The following TAFA1 variants were observed in gnomAD, a reference collection of about 807,000 sequenced individuals.
TAFA1 encodes the protein TAFA chemokine like family member 1.
In TAFA1, 4 loss-of-function variants were observed where a neutral mutation model predicts 18.5. The ratio of observed to expected loss-of-function variants is 0.22; its 90% CI spans 0.11 to 0.49. The LOEUF is 0.49. TAFA1 is among the 20% of genes least tolerant of loss of function. The pLI, the probability that TAFA1 is intolerant of heterozygous loss-of-function variation, is 0.98. For missense variants in TAFA1, 147 were observed against 169.0 expected (o/e 0.87, Z 0.72); for synonymous variants, 56 against 55.2 (o/e 1.01, Z -0.06).
At chr3:68,370,470 G>GTATATATATATA (rs2069675173) in intron 2 of TAFA1, among the ~76,000 whole-genome samples, 1 of 31,172 alleles carries the variant, frequency 3.2e-5, no homozygotes, top group Non-Finnish European at 6.2e-5. Context: ...GTGTGTGTGT[G>GTATATATATATA]TGTATATATA....
chr3:68,394,009 G>C (rs2070322139), intron 2 of TAFA1, among the ~76,000 whole-genome samples: 1 of 151,814 alleles, frequency 6.6e-6, no homozygotes, highest in South Asian at 2.1e-4. Context: ...GGAAGTTCTA[G>C]CCAGGGCAAT....
chr3:68,405,413 TGAGGTGG>T (rs1048186347), intron 2 of TAFA1, among the ~76,000 whole-genome samples: 7 of 151,902 alleles, frequency 4.6e-5, no homozygotes, highest in Admixed American at 4.6e-4. Flanking sequence ...TTTGGGAGGC[TGAGGTGG>T]GAGGATCACA....
chr3:68,035,475 T>C (rs984319523), intron 2 of TAFA1, among the ~76,000 whole-genome samples: 3 of 152,186 alleles, frequency 2.0e-5, no homozygotes, highest in Non-Finnish European at 2.9e-5. Flanking sequence ...CTGTTTAAGA[T>C]CTCACCTTCT....
chr3:68,500,165 A>C (rs763237195), intron 3 of TAFA1, among the ~76,000 whole-genome samples: 1 of 152,048 alleles, frequency 6.6e-6, no homozygotes, highest in Non-Finnish European at 1.5e-5. Flanking sequence ...CTGTCTCTTT[A>C]GGTGAGTCAT....
rs1283368012 is a variant in TAFA1 at position 68,497,759 on chromosome 3, C to T, written c.260-40997C>T. ...ATATATAATAAAGTCTTTGCAGTAG[C>T]GGAATGACACAGGCAGAATGGTTTT... On this transcript the variant is annotated intron_variant, in intron 3 of 4. Coordinates refer to ENST00000478136, the MANE Select transcript of TAFA1 (RefSeq NM_213609.4). Among the ~76,000 whole-genome samples, 6 of 152,116 alleles carry T rather than the reference C, an allele frequency of 3.9e-5. No homozygotes were observed. In the East Asian group the frequency reaches 5.8e-4, roughly 15 times the overall value.
intron 3 of TAFA1, among the ~76,000 whole-genome samples, chr3:68,507,270 T>C (rs2072774463): frequency 6.6e-6 from 1 of 151,870 alleles, no homozygotes; most frequent in Non-Finnish European, 1.5e-5. Context: ...AATTATCTGC[T>C]CAAAAGCAAA....
At chr3:67,995,535 C>G in the TAFA1 span, among the ~76,000 whole-genome samples, 2 of 152,166 alleles carry the variant, frequency 1.3e-5, no homozygotes, top group African/African-American at 4.8e-5. Flanking sequence ...TTTCTCTACT[C>G]TAAACTTGTA....
At chr3:68,530,033 A>G (rs576723548) in intron 3 of TAFA1, among the ~76,000 whole-genome samples, 1 of 152,332 alleles carries the variant, frequency 6.6e-6, no homozygotes, top group Non-Finnish European at 1.5e-5. Context: ...TTATGACAAA[A>G]TGCCAGTAAC....
chr3:68,020,151 A>G (rs1227494271), intron 2 of TAFA1, among the ~76,000 whole-genome samples: 2 of 152,168 alleles, frequency 1.3e-5, no homozygotes, highest in East Asian at 1.9e-4. Context: ...CTTTTATGCA[A>G]TTCAGTTGTC....
chr3:68,473,862 G>C (rs1282889923), intron 3 of TAFA1, among the ~76,000 whole-genome samples: 2 of 152,074 alleles, frequency 1.3e-5, no homozygotes, highest in Non-Finnish European at 1.5e-5. Context: ...TAATCTCCAA[G>C]AGGGGTGTAA....
At chr3:68,374,720 T>C (rs1025501524) in intron 2 of TAFA1, among the ~76,000 whole-genome samples, 2 of 152,218 alleles carry the variant, frequency 1.3e-5, no homozygotes, top group African/African-American at 2.4e-5. Flanking sequence ...TGATTTGGTA[T>C]TGATGAAAGT....
intron 2 of TAFA1, among the ~76,000 whole-genome samples, chr3:68,273,925 A>G (rs542782791): frequency 2.0e-5 from 3 of 152,254 alleles, no homozygotes; most frequent in Admixed American, 6.5e-5. Context: ...ATTTTATTCT[A>G]ATTTCTAAAA....
chr3:68,046,967 G>T (rs572752461), intron 2 of TAFA1, among the ~76,000 whole-genome samples: 1 of 152,318 alleles, frequency 6.6e-6, no homozygotes, highest in Non-Finnish European at 1.5e-5. Flanking sequence ...TGCATCAGAA[G>T]TTGTTAGAAA....
intron 2 of TAFA1, among the ~76,000 whole-genome samples, chr3:68,242,616 G>T (rs2067014045): frequency 1.3e-5 from 2 of 152,102 alleles, no homozygotes; most frequent in Admixed American, 1.3e-4. Flanking sequence ...TATTTTGAGA[G>T]TTGATTTGCC....
intron 2 of TAFA1, among the ~76,000 whole-genome samples, chr3:68,331,242 T>C (rs1385362187): frequency 6.6e-6 from 1 of 152,184 alleles, no homozygotes; most frequent in Non-Finnish European, 1.5e-5. Context: ...TGAGCAAATC[T>C]ATTGAAGCAG....
intron 2 of TAFA1, among the ~76,000 whole-genome samples, chr3:68,041,392 T>A (rs1705161925): frequency 6.6e-6 from 1 of 152,228 alleles, no homozygotes. Context: ...GCCTTTGAGT[T>A]GCAATGGCAA....
chr3:68,078,430 T>A (rs1019307658), intron 2 of TAFA1, among the ~76,000 whole-genome samples: 3 of 152,204 alleles, frequency 2.0e-5, no homozygotes, highest in Non-Finnish European at 4.4e-5. Context: ...CCATTCAGTA[T>A]GATATTGGCT....
intron 3 of TAFA1, among the ~76,000 whole-genome samples, chr3:68,424,574 G>A (rs548399471): frequency 6.5e-4 from 98 of 151,546 alleles, no homozygotes; most frequent in African/African-American, 2.2e-3. Context: ...ATTGCTCCTG[G>A]GAAAAAGTCA....
At chr3:68,083,008 A>G (rs1040722146) in intron 2 of TAFA1, among the ~76,000 whole-genome samples, 1 of 152,208 alleles carries the variant, frequency 6.6e-6, no homozygotes, top group Admixed American at 6.5e-5. Flanking sequence ...TTAATTGCAA[A>G]TTGTACCTTA....
Sources: allele counts gnomAD v4.1 joint callset (sites outside exome capture counted in the v4.1 genomes callset), GRCh38; gene constraint gnomAD v4.1.1; transcripts MANE v1.5; gene names NCBI Gene and HGNC (gene_info 2026-07-23, HGNC 2026-07-21).